Variants in PDE4B observed in about 807,000 individuals in gnomAD.
PDE4B encodes the protein 3',5'-cyclic-AMP phosphodiesterase 4B.
PDE4B carries 20 observed loss-of-function variants against 82.2 expected under a neutral mutation model. The observed-to-expected ratio is 0.24, with a 90% CI of 0.17 to 0.35. The LOEUF is 0.35. Among genes scored for constraint, PDE4B ranks in the 10% least tolerant of loss-of-function variants. The pLI is 1.00. For missense variants in PDE4B, 655 were observed against 907.2 expected, an observed-to-expected ratio of 0.72 and a Z score of 3.57; for synonymous variants, 320 against 318.9, an observed-to-expected ratio of 1.00 and a Z score of -0.04.
At chr1:66,180,521 G>A (rs1647041194) in intron 3 of PDE4B, among the ~76,000 whole-genome samples, 1 of 152,148 alleles carries the variant, frequency 6.6e-6, no homozygotes, top group East Asian at 1.9e-4. Context: ...CTGTTCAGAA[G>A]GCTGTAGCAG....
In PDE4B at chr1:66,287,619, T is replaced by C. The variant is rs115133648; in HGVS notation, c.634+21532T>C. Among the ~76,000 whole-genome samples the C allele has an allele frequency of 4.6e-3, 706 of 152,250 alleles. 6 individuals carry two copies. The highest frequency in any genetic ancestry group is 0.016 in the African/African-American group (672 of 41,558). ...ATTCTGGCCTGGCAATCATTAGCTC[T>C]GTGATTTTGAGCAAATAACTTGTCT... On this transcript the variant is annotated intron_variant, in intron 7 of 16. Transcript: ENST00000341517.
At chr1:66,308,323 A>C (rs1245612411) in intron 7 of PDE4B, among the ~76,000 whole-genome samples, 1 of 152,190 alleles carries the variant, frequency 6.6e-6, no homozygotes, top group Non-Finnish European at 1.5e-5. Context: ...TAGAGAGTTC[A>C]TGGATTTTTT....
chr1:66,120,012 A>G (rs1284700361), intron 3 of PDE4B, among the ~76,000 whole-genome samples: 2 of 152,132 alleles, frequency 1.3e-5, no homozygotes, highest in Admixed American at 6.6e-5. Context: ...TCCTGCTGAC[A>G]CCTTGATTTC....
chr1:65,976,464 G>T (rs1439364152), intron 3 of PDE4B, among the ~76,000 whole-genome samples: 1 of 152,210 alleles, frequency 6.6e-6, no homozygotes, highest in African/African-American at 2.4e-5. Context: ...TTGAGTTAAT[G>T]CTGGAATGAG....
chr1:65,940,095 C>G (rs187337187), intron 3 of PDE4B, among the ~76,000 whole-genome samples: 1 of 152,188 alleles, frequency 6.6e-6, no homozygotes, highest in East Asian at 1.9e-4. Context: ...CAAAAGAATG[C>G]TGCTTTAGAC....
intron 7 of PDE4B, among the ~76,000 whole-genome samples, chr1:66,289,411 G>A (rs1656910999): frequency 6.6e-6 from 1 of 152,168 alleles, no homozygotes; most frequent in Non-Finnish European, 1.5e-5. Context: ...GGAAAAATGG[G>A]AAAAGGTCTG....
chr1:65,853,063 G>A (rs1646349092), intron 1 of PDE4B, among the ~76,000 whole-genome samples: 1 of 151,926 alleles, frequency 6.6e-6, no homozygotes, highest in Admixed American at 6.6e-5. Context: ...TTGAAGTTCT[G>A]TTATTAGGTG....
intron 1 of PDE4B, among the ~76,000 whole-genome samples, chr1:65,819,504 G>GTTTTTTTTTTTTTTT (rs35338207): frequency 8.8e-6 from 1 of 114,174 alleles, no homozygotes. Flanking sequence ...TTTTTGTTTT[G>GTTTTTTTTTTTTTTT]TTTTTTTTTT....
At chr1:65,883,005 C>A (rs1240525977) in intron 1 of PDE4B, among the ~76,000 whole-genome samples, 3 of 152,112 alleles carry the variant, frequency 2.0e-5, no homozygotes, top group African/African-American at 2.4e-5. Flanking sequence ...ATTTATCTGA[C>A]CTTGGGCGAA....
intron 3 of PDE4B, among the ~76,000 whole-genome samples, chr1:66,109,591 A>G (rs1169639542): frequency 4.6e-5 from 7 of 151,986 alleles, no homozygotes; most frequent in East Asian, 1.9e-4. Context: ...ACAGCATTAG[A>G]TAATACTAAG....
chr1:66,232,826 C>T lies in PDE4B; in HGVS notation c.282-14634C>T, dbSNP rs138824646. Among the ~76,000 whole-genome samples, 418 of 152,210 alleles carry T rather than the reference C, an allele frequency of 2.7e-3. 4 individuals are homozygous for T. Among genetic ancestry groups the T allele is most frequent in the African/African-American group, 9.6e-3 (398 of 41,508 alleles). On this transcript the variant is annotated intron_variant, in intron 3 of 16. Transcript: ENST00000341517. ...ATTATGAAGTGTTGCGGGCCAAATC[C>T]TGATTCTAGTGTGTTGAGAAGAAAA...
intron 1 of PDE4B, among the ~76,000 whole-genome samples, chr1:65,826,553 G>C (rs959732001): frequency 6.6e-6 from 1 of 152,104 alleles, no homozygotes; most frequent in African/African-American, 2.4e-5. Context: ...GTGCTAGCTG[G>C]GGGAAGGAAT....
intron 3 of PDE4B, among the ~76,000 whole-genome samples, chr1:66,186,544 C>A (rs1647219816): frequency 6.6e-6 from 1 of 152,032 alleles, no homozygotes; most frequent in Admixed American, 6.6e-5. Context: ...TTGAAGAGGT[C>A]CTTCACGTCC....
intron 3 of PDE4B, among the ~76,000 whole-genome samples, chr1:65,963,657 G>A (rs994140696): frequency 6.6e-5 from 10 of 152,146 alleles, no homozygotes; most frequent in Non-Finnish European, 2.9e-5. Context: ...CTCAGTTATG[G>A]GATGCTCTGA....
intron 6 of PDE4B, among the ~76,000 whole-genome samples, chr1:66,263,447 A>C (rs990953212): frequency 4.6e-5 from 7 of 152,274 alleles, no homozygotes; most frequent in Admixed American, 4.6e-4. Context: ...AGGAAACCAG[A>C]TAAAATATTC....
chr1:66,162,305 CTTTTTTTT>C lies in PDE4B; in HGVS notation c.282-85134_282-85127del, dbSNP rs1168144080. On this transcript the variant is annotated intron_variant, in intron 3 of 16. Transcript: ENST00000341517. The stretch of plus-strand genomic sequence containing the variant: ...TTGGTGGTAAGGTTCATGGACTTCT[CTTTTTTTT>C]TTTTTTTTTTTTTTTTTTTTGCTAT... 6.1e-3 allele frequency among the ~76,000 whole-genome samples: 247 copies of C among 40,304 alleles called. 1 individual carries two copies. Among genetic ancestry groups the C allele is most frequent in the South Asian group, 0.026 (22 of 862 alleles). 26.4% of individuals were successfully genotyped at this position (40,304 alleles called of 152,430 possible).
At chr1:65,958,049 A>G (rs1649346160) in intron 3 of PDE4B, among the ~76,000 whole-genome samples, 1 of 152,070 alleles carries the variant, frequency 6.6e-6, no homozygotes, top group African/African-American at 2.4e-5. Context: ...AAGAAGTGCT[A>G]TTATAGTCAT....
chr1:65,988,380 A>G (rs1048619724), intron 3 of PDE4B, among the ~76,000 whole-genome samples: 2 of 152,304 alleles, frequency 1.3e-5, no homozygotes, highest in Admixed American at 1.3e-4. Context: ...GTAGTTATAT[A>G]TAACAGTATA....
chr1:66,136,337 A>C (rs1646053865), intron 3 of PDE4B, among the ~76,000 whole-genome samples: 1 of 152,210 alleles, frequency 6.6e-6, no homozygotes, highest in Non-Finnish European at 1.5e-5. Flanking sequence ...AGATATGTGA[A>C]TTGTTCAATT....
Sources: gnomAD v4.1 joint callset for allele counts (sites outside exome capture counted in the v4.1 genomes callset) on GRCh38, gnomAD v4.1.1 for gene constraint, MANE v1.5 for transcripts, NCBI Gene and HGNC (gene_info 2026-07-23, HGNC 2026-07-21) for gene names.